Variants in XIRP2 observed in about 807,000 individuals in gnomAD.
XIRP2 encodes the protein xin actin-binding repeat-containing protein 2.
XIRP2 carries 236 observed loss-of-function variants against 277.0 expected under a neutral mutation model. The ratio of observed to expected loss-of-function variants is 0.85; its 90% CI spans 0.77 to 0.95. The LOEUF (loss-of-function observed/expected upper bound fraction) is 0.95. Among genes scored for constraint, XIRP2 ranks in the 40% least tolerant of loss-of-function variants. The pLI is 0.00. For synonymous variants in XIRP2, 1,490 were observed against 1,416.5 expected (o/e 1.05, Z -1.17); for missense variants, 4,640 against 4,157.5 (o/e 1.12, Z -3.19).
chr2:166,923,738 C>T (rs957709819), intron 2 of XIRP2, among the ~76,000 whole-genome samples: 3 of 152,086 alleles, frequency 2.0e-5, no homozygotes, highest in Non-Finnish European at 4.4e-5. Flanking sequence ...TTTTTTTCTA[C>T]TGTCAGTTTG....
At chr2:167,221,071 G>A (rs1267972491) in intron 5 of XIRP2, among the ~76,000 whole-genome samples, 1 of 152,080 alleles carries the variant, frequency 6.6e-6, no homozygotes, top group African/African-American at 2.4e-5. Flanking sequence ...AAGCCATAAT[G>A]CAAGGCAATA....
chr2:167,002,988 A>G (rs1398646658), intron 2 of XIRP2, among the ~76,000 whole-genome samples: 2 of 151,942 alleles, frequency 1.3e-5, no homozygotes, highest in Non-Finnish European at 2.9e-5. Context: ...GCATATTTGC[A>G]TATTACTCAG....
chr2:166,957,236 C>G (rs952243331), intron 2 of XIRP2, among the ~76,000 whole-genome samples: 2 of 151,566 alleles, frequency 1.3e-5, no homozygotes, highest in African/African-American at 4.8e-5. Context: ...AAGAATCATT[C>G]CTTATTAAAA....
At chr2:166,943,354 A>T (rs1685771181) in intron 2 of XIRP2, among the ~76,000 whole-genome samples, 1 of 152,144 alleles carries the variant, frequency 6.6e-6, no homozygotes, top group South Asian at 2.1e-4. Context: ...CTTTTTGGGG[A>T]CTATCATGAA....
At chr2:167,018,774 A>C (rs946617521) in intron 2 of XIRP2, among the ~76,000 whole-genome samples, 3 of 151,978 alleles carry the variant, frequency 2.0e-5, no homozygotes, top group Non-Finnish European at 4.4e-5. Context: ...CATTTACGTA[A>C]TTTAAAATTT....
Position 167,244,496 on chromosome 2 carries a change from A to C in XIRP2, c.3104A>C (p.Lys1035Thr). The change falls in exon 9 of 11, where the codon AAA becomes ACA. Residue 1035 changes from lysine to threonine, a missense_variant. Lys to Thr is a moderately conservative substitution (Grantham distance 78, BLOSUM62 -1). Transcript: ENST00000409195. ...PIDQFDESIH[K>T]FQIIRGISAQ... ...GACCAGTTTGATGAAAGCATTCATA[A>C]ATTTCAAATAATTAGAGGAATATCT... 1 of 1,613,726 alleles carries C rather than the reference A, an allele frequency of 6.2e-7. No individual in the cohort carries two copies. The highest frequency in any genetic ancestry group is 1.1e-5 in the South Asian group (1 of 91,062).
At chr2:166,907,744 C>T (rs1224353695) in intron 2 of XIRP2, among the ~76,000 whole-genome samples, 1 of 149,008 alleles carries the variant, frequency 6.7e-6, no homozygotes, top group South Asian at 2.2e-4. Context: ...GGTATATCTC[C>T]TAAGGCTATC....
chr2:167,188,767 G>A (rs904906530), intron 3 of XIRP2, among the ~76,000 whole-genome samples: 1 of 152,208 alleles, frequency 6.6e-6, no homozygotes, highest in Non-Finnish European at 1.5e-5. Flanking sequence ...CTGCACTATG[G>A]CAAAGTGCCA....
intron 2 of XIRP2, among the ~76,000 whole-genome samples, chr2:167,124,759 T>A (rs1691151880): frequency 6.6e-6 from 1 of 152,144 alleles, no homozygotes; most frequent in Admixed American, 6.6e-5. Context: ...TTCGACCCCA[T>A]GTGAAAGCAG....
intron 2 of XIRP2, among the ~76,000 whole-genome samples, chr2:167,094,284 T>TA (rs1274923484): frequency 1.3e-5 from 2 of 152,176 alleles, no homozygotes; most frequent in Non-Finnish European, 2.9e-5. Context: ...TCACTGATGA[T>TA]AGTTTCTTTT....
At chr2:166,959,130 T>C (rs2105405143) in intron 2 of XIRP2, among the ~76,000 whole-genome samples, 1 of 151,960 alleles carries the variant, frequency 6.6e-6, no homozygotes, top group East Asian at 2.0e-4. Context: ...TTTTTTAATG[T>C]ATTCTTGTCC....
intron 2 of XIRP2, among the ~76,000 whole-genome samples, chr2:166,966,403 T>C (rs1686434966): frequency 6.6e-6 from 1 of 151,868 alleles, no homozygotes; most frequent in Non-Finnish European, 1.5e-5. Context: ...TTTTTACATA[T>C]ATCTATATTT....
intron 2 of XIRP2, among the ~76,000 whole-genome samples, chr2:167,062,930 C>A (rs1295765634): frequency 1.3e-5 from 2 of 151,478 alleles, no homozygotes; most frequent in South Asian, 2.1e-4. Flanking sequence ...ATCGTATTTT[C>A]TTTTTCATTT....
rs764922434 is a variant in XIRP2 at position 167,254,142 on chromosome 2, C to T, written c.*16C>T. On this transcript the variant is annotated 3_prime_UTR_variant, in exon 10 of 11. Coordinates refer to ENST00000409195, the MANE Select transcript of XIRP2 (RefSeq NM_152381.6). ...ATTTTCATAAGTCCTGCTTCCGATG[C>T]CACCATTGCAACAGTAAACTAAGGT... 2.5e-6 allele frequency: 4 copies of T among 1,609,646 alleles called. No homozygotes were observed. In the African/African-American group the frequency reaches 4.0e-5, roughly 16 times the overall value.
Position 167,245,536 on chromosome 2 carries a change from G to A in XIRP2, c.4144G>A (p.Gly1382Arg), listed in dbSNP as rs1476445061. The change falls in exon 9 of 11, where the codon GGA (glycine) becomes AGA (arginine). Residue 1382 changes from glycine (G) to arginine (R), a missense_variant. Physicochemically the swap from Gly to Arg is moderately radical, Grantham distance 125 (BLOSUM62 -2). Transcript: ENST00000409195. Reference sequence around the variant, plus strand: ...TGTCACACAAGAAGACATTCAGAAGGGAGATGTTAGTTCTGTCAGATACAG... The same window carrying A: ...TGTCACACAAGAAGACATTCAGAAGAGAGATGTTAGTTCTGTCAGATACAG... ...KSVTQEDIQK[G>R]DVSSVRYRFE... 5 of 1,613,404 alleles carry A rather than the reference G, an allele frequency of 3.1e-6. No homozygotes were observed. The highest frequency in any genetic ancestry group is 4.2e-6 in the Non-Finnish European group (5 of 1,179,730).
chr2:166,929,535 ATAGTGGTATATTATAGT>A (rs1458584420), intron 2 of XIRP2, among the ~76,000 whole-genome samples: 1 of 152,144 alleles, frequency 6.6e-6, no homozygotes, highest in Admixed American at 6.6e-5. Context: ...GTGGATCTTT[ATAGTGGTATATTATAGT>A]AGTTATCGGA....
intron 2 of XIRP2, among the ~76,000 whole-genome samples, chr2:167,113,751 AGT>A (rs930747059): frequency 2.0e-5 from 3 of 152,080 alleles, no homozygotes; most frequent in Non-Finnish European, 4.4e-5. Flanking sequence ...TGTGTACGTA[AGT>A]GTGTTTTTGT....
intron 2 of XIRP2, among the ~76,000 whole-genome samples, chr2:166,966,076 C>T (rs896327138): frequency 6.6e-6 from 1 of 151,442 alleles, no homozygotes; most frequent in African/African-American, 2.4e-5. Flanking sequence ...AAATAAAATC[C>T]CATATTTTCT....
In XIRP2 at chr2:167,245,253, T is replaced by C; in HGVS notation, c.3861T>C (p.Ile1287=). ...TTGAGACTTTTTCTTTAGATGAGATTAAAGAAGAATCTGACTATATCAGCA... is the reference window on the plus strand; with the variant it reads ...TTGAGACTTTTTCTTTAGATGAGATCAAAGAAGAATCTGACTATATCAGCA... ...FIFETFSLDE[I]KEESDYISTK... The change falls in exon 9 of 11, where the codon ATT becomes ATC. Residue 1287 remains isoleucine, a synonymous_variant. Coordinates refer to ENST00000409195, the MANE Select transcript of XIRP2 (RefSeq NM_152381.6). The C allele has an allele frequency of 6.2e-7, 1 of 1,613,572 alleles. No homozygotes were observed. Among genetic ancestry groups the C allele is most frequent in the South Asian group, 1.1e-5 (1 of 91,036 alleles).
Sources: allele counts gnomAD v4.1 joint callset (sites outside exome capture counted in the v4.1 genomes callset), GRCh38; gene constraint gnomAD v4.1.1; transcripts MANE v1.5; gene names NCBI Gene and HGNC (gene_info 2026-07-23, HGNC 2026-07-21).